CDK8: variants seen among roughly 807,000 people sequenced by gnomAD.
CDK8 encodes cyclin-dependent kinase 8.
In CDK8, 29 loss-of-function variants were observed where a neutral mutation model predicts 71.5. The observed-to-expected ratio is 0.41, with a 90% confidence interval of 0.30 to 0.55. The LOEUF is 0.55. CDK8 is among the 20% of genes least tolerant of loss of function. CDK8 has a pLI of 0.37. For synonymous variants in CDK8, 161 were observed against 192.1 expected (o/e 0.84, Z 1.34); for missense variants, 288 against 572.6 (o/e 0.50, Z 5.07).
chr13:26,259,251 G>C (rs1871662366), intron 1 of CDK8, among the ~76,000 whole-genome samples: 2 of 152,078 alleles, frequency 1.3e-5, no homozygotes, highest in African/African-American at 4.8e-5. Flanking sequence ...TGTGTCTGCA[G>C]GTCCTGCATC....
At chr13:26,274,024 G>A (rs370049633) in intron 1 of CDK8, among the ~76,000 whole-genome samples, 44 of 152,016 alleles carry the variant, frequency 2.9e-4, no homozygotes, top group African/African-American at 1.0e-3. Flanking sequence ...TTATATGATT[G>A]TACTTTAAAA....
At chr13:26,400,421 T>A in intron 9 of CDK8, 32 bp from the exon 10 acceptor site, 1 of 1,278,192 alleles carries the variant, frequency 7.8e-7, no homozygotes, top group Non-Finnish European at 1.1e-6. Context: ...TGAGAAGCAA[T>A]ACCGTCATGT....
chr13:26,269,559 T>A (rs966531086), intron 1 of CDK8, among the ~76,000 whole-genome samples: 1 of 151,984 alleles, frequency 6.6e-6, no homozygotes, highest in Non-Finnish European at 1.5e-5. Context: ...TTTTTTTTTT[T>A]ATGGGATCAT....
chr13:26,361,772 CTTTTCTTTTCCCT>C (rs1874146449), intron 4 of CDK8, among the ~76,000 whole-genome samples: 1 of 89,872 alleles, frequency 1.1e-5, no homozygotes, highest in Non-Finnish European at 2.5e-5. Flanking sequence ...TTTTGTCTTT[CTTTTCTTTTCCCT>C]TTTTTTTTTT....
chr13:26,404,039 C>T lies in CDK8; in HGVS notation c.1353C>T (p.Ser451=). Reference sequence around the variant, plus strand: ...GCAGCATGGGATACTCAGCTACCTCCCAGCAGCCTCCACAGTACTCACATC... The same window carrying T: ...GCAGCATGGGATACTCAGCTACCTCTCAGCAGCCTCCACAGTACTCACATC... ...PQSSMGYSAT[S]QQPPQYSHQT... is the part of the protein sequence containing the mutation. The change falls in exon 13 of 13, where the codon TCC becomes TCT. Residue 451 remains serine (S), a synonymous_variant. Coordinates refer to ENST00000381527, the MANE Select transcript of CDK8 (RefSeq NM_001260.3). 4 of 1,614,096 alleles carry T rather than the reference C, an allele frequency of 2.5e-6. No homozygotes were observed. Among genetic ancestry groups the T allele is most frequent in the Non-Finnish European group, 2.5e-6 (3 of 1,180,016 alleles).
intron 1 of CDK8, among the ~76,000 whole-genome samples, chr13:26,335,969 C>A (rs1299981333): frequency 2.0e-5 from 3 of 151,630 alleles, no homozygotes; most frequent in Non-Finnish European, 4.4e-5. Flanking sequence ...TTTAAAGGTG[C>A]CCTTCTTGTT....
Position 26,401,891 on chromosome 13 carries a change from G to A in CDK8, c.1269+267G>A, listed in dbSNP as rs772702581. Among the ~76,000 whole-genome samples the A allele has an allele frequency of 9.9e-5, 15 of 152,276 alleles. No homozygotes were observed. Among genetic ancestry groups the A allele is most frequent in the East Asian group, 5.8e-4 (3 of 5,182 alleles). On this transcript the variant is annotated intron_variant, in intron 12 of 12. Coordinates refer to ENST00000381527, the MANE Select transcript of CDK8 (RefSeq NM_001260.3). The surrounding 1 kb of genome is among the most constrained non-coding windows in gnomAD (Gnocchi z 4.5). ...GACAAGTAGGATAATATCTCCTGGC[G>A]TTTTTTCATCTGTAAAATGAAACTA...
chr13:26,318,755 C>G (rs1214443501), intron 1 of CDK8, among the ~76,000 whole-genome samples: 1 of 152,254 alleles, frequency 6.6e-6, no homozygotes, highest in South Asian at 2.1e-4. Flanking sequence ...CAAAATTGAT[C>G]ACCCTTTCAT....
rs1482401056 is a variant in CDK8 at position 26,261,246 on chromosome 13, A to G, written c.128+6477A>G. On this transcript the variant is annotated intron_variant, in intron 1 of 12. Transcript: ENST00000381527. ...TGTAGTAAGCTGCCTTTACTGATGG[A>G]GTTATGTTCTTCAGATGTATTGTAG... Among the ~76,000 whole-genome samples, 3 of 152,190 alleles carry G rather than the reference A, an allele frequency of 2.0e-5. No individual in the cohort carries two copies. In the South Asian group the frequency reaches 6.2e-4, roughly 32 times the overall value.
intron 1 of CDK8, among the ~76,000 whole-genome samples, chr13:26,279,969 G>T (rs1416647351): frequency 6.1e-5 from 9 of 148,756 alleles, no homozygotes; most frequent in East Asian, 2.0e-4. Flanking sequence ...GAAGAAAATT[G>T]TGTGTGTGTG....
chr13:26,382,792 A>C (rs1875291838), intron 4 of CDK8, 22 bp from the exon 5 acceptor site: 2 of 1,547,794 alleles, frequency 1.3e-6, no homozygotes, highest in African/African-American at 2.8e-5. Flanking sequence ...TACTGAAAAA[A>C]AACACTATTT....
At chr13:26,341,697 T>C (rs1241925693) in intron 2 of CDK8, among the ~76,000 whole-genome samples, 2 of 152,176 alleles carry the variant, frequency 1.3e-5, no homozygotes, top group Non-Finnish European at 2.9e-5. Flanking sequence ...GAAGACACAG[T>C]TTGAAGTATT....
intron 1 of CDK8, among the ~76,000 whole-genome samples, chr13:26,334,307 G>A (rs911285715): frequency 6.6e-6 from 1 of 151,982 alleles, no homozygotes; most frequent in Non-Finnish European, 1.5e-5. Context: ...CTTAGTAGGG[G>A]GTTCAATTCT....
intron 1 of CDK8, among the ~76,000 whole-genome samples, chr13:26,332,248 G>T (rs1394282413): frequency 6.6e-6 from 1 of 151,878 alleles, no homozygotes; most frequent in African/African-American, 2.4e-5. Flanking sequence ...TCATTTGGGA[G>T]GCTGAGGTGG....
intron 1 of CDK8, among the ~76,000 whole-genome samples, chr13:26,329,044 T>G (rs1875164143): frequency 6.6e-6 from 1 of 152,240 alleles, no homozygotes; most frequent in Non-Finnish European, 1.5e-5. Flanking sequence ...TTGGATCCTC[T>G]TAATCAGCTA....
intron 2 of CDK8, among the ~76,000 whole-genome samples, chr13:26,347,209 A>C (rs774202681): frequency 2.6e-5 from 4 of 152,194 alleles, no homozygotes; most frequent in Non-Finnish European, 4.4e-5. Context: ...TTATGAGATG[A>C]GAAAGCACAA....
rs1286935064 is a variant in CDK8, at chr13:26,404,455, T to A, written c.*374T>A. ...GGTGAATTTTTTCAGTGTAACAACA[T>A]TATCTGACCAATAGTACACACACAG... On this transcript the variant is annotated 3_prime_UTR_variant, in exon 13 of 13. Coordinates refer to ENST00000381527, the MANE Select transcript of CDK8 (RefSeq NM_001260.3). 3.7e-6 allele frequency: 1 copy of A among 268,786 alleles called. No individual in the cohort carries two copies. Among genetic ancestry groups the A allele is most frequent in the East Asian group, 5.3e-5 (1 of 18,858 alleles). The allele number at this position is 268,786 out of a possible 1,614,324, so 16.7% of individuals were successfully genotyped here. A position where few individuals can be genotyped will look rare whatever the true frequency, so the allele number is the denominator to read the frequency against.
chr13:26,355,053 C>T, intron 4 of CDK8, among the ~76,000 whole-genome samples: 1 of 152,270 alleles, frequency 6.6e-6, no homozygotes, highest in South Asian at 2.1e-4. Flanking sequence ...TGAGGCGGAG[C>T]CCATCTGGTC....
intron 1 of CDK8, among the ~76,000 whole-genome samples, chr13:26,289,014 C>T (rs1239688139): frequency 6.7e-6 from 1 of 148,820 alleles, no homozygotes; most frequent in Non-Finnish European, 1.5e-5. Flanking sequence ...GCTGGGTTTA[C>T]AGGCGTGAGC....
Sources: allele counts gnomAD v4.1 joint callset (sites outside exome capture counted in the v4.1 genomes callset), GRCh38; gene constraint gnomAD v4.1.1; non-coding constraint Gnocchi (gnomAD v3.1); transcripts MANE v1.5; gene names NCBI Gene and HGNC (gene_info 2026-07-23, HGNC 2026-07-21).